Variants in PRELID2 observed in about 807,000 individuals in gnomAD.
PRELID2 encodes the protein PRELI domain containing 2.
In PRELID2, 25 loss-of-function variants were observed where a neutral mutation model predicts 28.4. The ratio of observed to expected loss-of-function variants is 0.88; its 90% CI spans 0.64 to 1.23. The LOEUF (loss-of-function observed/expected upper bound fraction) is 1.23. Ranked by LOEUF, PRELID2 falls within the 50% of genes most tolerant of loss-of-function variation. The pLI is 0.00. For missense variants in PRELID2, 201 were observed against 214.4 expected, an observed-to-expected ratio of 0.94 and a Z score of 0.39; for synonymous variants, 76 against 71.6, an observed-to-expected ratio of 1.06 and a Z score of -0.31.
In PRELID2 at chr5:145,758,368, T is replaced by C. The variant is rs1238392968; in HGVS notation, c.*2168A>G. Reference sequence around the variant, plus strand: ...GAGATATTAAGAAAAAAATTAAATATTGTCTGCAAATACCTAAAAGTCACT... The same window carrying C: ...GAGATATTAAGAAAAAAATTAAATACTGTCTGCAAATACCTAAAAGTCACT... On this transcript the variant is annotated 3_prime_UTR_variant, in exon 7 of 7. Coordinates refer to ENST00000683046, the MANE Select transcript of PRELID2 (RefSeq NM_205846.3). 1.3e-5 allele frequency among the ~76,000 whole-genome samples: 2 copies of C among 152,128 alleles called. No homozygotes were observed. The highest frequency in any genetic ancestry group is 2.9e-5 in the Non-Finnish European group (2 of 68,034).
chr5:145,707,684 C>T (rs574787075), intron 1 of PRELID2, among the ~76,000 whole-genome samples: 6 of 152,278 alleles, frequency 3.9e-5, no homozygotes, highest in African/African-American at 1.4e-4. Context: ...TGAACGAACA[C>T]TGAGAAATAT....
chr5:145,415,260 T>G, the PRELID2 span, among the ~76,000 whole-genome samples: 97,209 of 151,382 alleles, frequency 0.64, 32,038 homozygotes, highest in Non-Finnish European at 0.71. Flanking sequence ...GTTTTGTTTT[T>G]TATTTTATTT....
At chr5:145,235,159 T>G in the PRELID2 span, among the ~76,000 whole-genome samples, 1 of 152,096 alleles carries the variant, frequency 6.6e-6, no homozygotes, top group Non-Finnish European at 1.5e-5. Context: ...GCTGCATAAA[T>G]ATGTATATAA....
the PRELID2 span, among the ~76,000 whole-genome samples, chr5:145,422,225 G>A: frequency 1.3e-5 from 2 of 149,196 alleles, no homozygotes; most frequent in African/African-American, 5.0e-5. Flanking sequence ...TTGGGGTGGA[G>A]AGCTCTGTAG....
chr5:145,715,324 T>C (rs1231701262), intron 1 of PRELID2, among the ~76,000 whole-genome samples: 1 of 152,124 alleles, frequency 6.6e-6, no homozygotes, highest in African/African-American at 2.4e-5. Context: ...CTAGTTAACT[T>C]GTCTTCAAAT....
chr5:145,778,973 A>C (rs990240295), intron 5 of PRELID2, among the ~76,000 whole-genome samples: 2 of 152,222 alleles, frequency 1.3e-5, no homozygotes, highest in African/African-American at 4.8e-5. Flanking sequence ...TACATGCAAC[A>C]TACTCAGGAT....
At chr5:145,416,262 T>C in the PRELID2 span, among the ~76,000 whole-genome samples, 109 of 151,948 alleles carry the variant, frequency 7.2e-4, 1 homozygote, top group African/African-American at 2.5e-3. Flanking sequence ...ATACAAAAAT[T>C]AATTCAAGAT....
At chr5:145,471,375 C>T (rs1752051720), downstream of PRELID2, among the ~76,000 whole-genome samples, 1 of 152,076 alleles carries the variant, frequency 6.6e-6, no homozygotes, top group African/African-American at 2.4e-5. Flanking sequence ...CAGTCAAAAC[C>T]AGATATTTCT....
chr5:145,687,523 G>A (rs536985376), intron 1 of PRELID2, among the ~76,000 whole-genome samples: 1 of 152,096 alleles, frequency 6.6e-6, no homozygotes, highest in African/African-American at 2.4e-5. Context: ...ACTGGATCCT[G>A]GATCAGAAAA....
At chr5:145,444,347 C>G in the PRELID2 span, among the ~76,000 whole-genome samples, 2 of 152,010 alleles carry the variant, frequency 1.3e-5, no homozygotes, top group African/African-American at 4.8e-5. Context: ...AACATTCATT[C>G]CCATGCTTGA....
chr5:145,536,688 G>C (rs1259689856), intron 1 of PRELID2, among the ~76,000 whole-genome samples: 1 of 151,914 alleles, frequency 6.6e-6, no homozygotes, highest in Non-Finnish European at 1.5e-5. Flanking sequence ...AGTTAACTTA[G>C]TCCTGGCCCC....
At chr5:145,624,090 G>C (rs547005848) in intron 1 of PRELID2, among the ~76,000 whole-genome samples, 83 of 152,190 alleles carry the variant, frequency 5.5e-4, no homozygotes, top group African/African-American at 2.0e-3. Context: ...TATTATAAAG[G>C]ATATAACCTG....
At chr5:145,770,808 T>C (rs1029275995) in intron 5 of PRELID2, among the ~76,000 whole-genome samples, 7 of 152,232 alleles carry the variant, frequency 4.6e-5, no homozygotes, top group Admixed American at 2.6e-4. Flanking sequence ...CAAAATACTT[T>C]TGCATACCTG....
intron 1 of PRELID2, among the ~76,000 whole-genome samples, chr5:145,493,455 C>G (rs1272243171): frequency 6.6e-6 from 1 of 152,180 alleles, no homozygotes; most frequent in Non-Finnish European, 1.5e-5. Context: ...GCTTCAGTGT[C>G]CTGATTGTGT....
At chr5:145,462,765 C>T in the PRELID2 span, among the ~76,000 whole-genome samples, 115 of 152,282 alleles carry the variant, frequency 7.6e-4, 1 homozygote, top group Non-Finnish European at 2.9e-4. Flanking sequence ...CTACCGAAGG[C>T]GACACTCTCC....
In PRELID2 at chr5:145,638,517, A is replaced by G. The variant is rs78711552; in HGVS notation, n.70+126414T>C. Among the ~76,000 whole-genome samples, 1,038 of 152,304 alleles carry G rather than the reference A, an allele frequency of 6.8e-3. 21 individuals are homozygous for G. The highest frequency in any genetic ancestry group is 0.024 in the African/African-American group (981 of 41,572). On this transcript the variant is annotated intron_variant and non_coding_transcript_variant, in intron 1 of 2. Transcript: ENST00000510259. Reference sequence around the variant, plus strand: ...TGTCTATATCTTACCCTTGCTATTCAATGCAAGTACTAGAAGAGCATAAGC... The same window carrying G: ...TGTCTATATCTTACCCTTGCTATTCGATGCAAGTACTAGAAGAGCATAAGC...
At chr5:145,486,822 C>A (rs184354164) in intron 1 of PRELID2, among the ~76,000 whole-genome samples, 1,901 of 151,312 alleles carry the variant, frequency 0.013, 36 homozygotes, top group African/African-American at 0.044. Context: ...TTCACAATAG[C>A]AAAGACTTGG....
At chr5:145,698,350 T>G (rs1168956210) in intron 1 of PRELID2, among the ~76,000 whole-genome samples, 1 of 152,202 alleles carries the variant, frequency 6.6e-6, no homozygotes, top group African/African-American at 2.4e-5. Context: ...CCTATTATCT[T>G]GGAGCTTATA....
chr5:145,623,578 A>G (rs1753802470), intron 1 of PRELID2, among the ~76,000 whole-genome samples: 1 of 152,220 alleles, frequency 6.6e-6, no homozygotes, highest in Non-Finnish European at 1.5e-5. Flanking sequence ...ACTGATACAT[A>G]TATCTGTGGA....
Sources: gnomAD v4.1 joint callset for allele counts (sites outside exome capture counted in the v4.1 genomes callset) on GRCh38, gnomAD v4.1.1 for gene constraint, MANE v1.5 for transcripts, NCBI Gene and HGNC (gene_info 2026-07-23, HGNC 2026-07-21) for gene names.